Variants in QTMAN observed in about 807,000 individuals in gnomAD.
QTMAN encodes queuosine-tRNA mannosyltransferase.
the QTMAN span, chr2:144,177,088 A>AGGGGGAAATCCACCTCCATGATAAAG: frequency 1.4e-6 from 1 of 696,440 alleles, no homozygotes; most frequent in Non-Finnish European, 2.6e-6. Flanking sequence ...ACAGCACCAA[A>AGGGGGAAATCCACCTCCATGATAAAG]GGGGAAATCC....
At chr2:144,170,825 G>A in the QTMAN span, among the ~76,000 whole-genome samples, 20 of 152,006 alleles carry the variant, frequency 1.3e-4, no homozygotes, top group East Asian at 2.3e-3. Context: ...ACCAAATTAC[G>A]TCCTAGAAAG....
the QTMAN span, among the ~76,000 whole-genome samples, chr2:144,103,329 T>C: frequency 6.6e-6 from 1 of 152,186 alleles, no homozygotes; most frequent in Admixed American, 6.5e-5. Flanking sequence ...AGGATCGCCA[T>C]GTGAAACTGA....
At chr2:143,986,270 T>C in the QTMAN span, among the ~76,000 whole-genome samples, 2 of 152,224 alleles carry the variant, frequency 1.3e-5, no homozygotes, top group African/African-American at 4.8e-5. Flanking sequence ...TCTTACCTCG[T>C]CAGAATTTTT....
At chr2:143,996,044 G>T in the QTMAN span, among the ~76,000 whole-genome samples, 1 of 152,026 alleles carries the variant, frequency 6.6e-6, no homozygotes, top group Admixed American at 6.6e-5. Context: ...CCACTATATT[G>T]TCTGGATTAT....
At chr2:144,289,420 T>C in the QTMAN span, among the ~76,000 whole-genome samples, 6,831 of 152,336 alleles carry the variant, frequency 0.045, 224 homozygotes, top group South Asian at 0.11. Flanking sequence ...ACACTGAGCA[T>C]AGGCTCAAAG....
chr2:144,032,307 C>T, the QTMAN span, among the ~76,000 whole-genome samples: 1 of 152,158 alleles, frequency 6.6e-6, no homozygotes, highest in Non-Finnish European at 1.5e-5. Context: ...TTACCGTTAG[C>T]ATTAATATAG....
the QTMAN span, among the ~76,000 whole-genome samples, chr2:143,967,844 T>A: frequency 3.3e-5 from 5 of 152,082 alleles, no homozygotes; most frequent in African/African-American, 1.2e-4. Flanking sequence ...CCTAGCTGAG[T>A]GGCCTATTTG....
At chr2:144,290,553 T>C in the QTMAN span, among the ~76,000 whole-genome samples, 1 of 152,200 alleles carries the variant, frequency 6.6e-6, no homozygotes, top group South Asian at 2.1e-4. Context: ...TCCATATCAA[T>C]GCATATAAGT....
chr2:144,160,783 G>A, the QTMAN span, among the ~76,000 whole-genome samples: 1 of 152,108 alleles, frequency 6.6e-6, no homozygotes, highest in Non-Finnish European at 1.5e-5. Flanking sequence ...ATGGACAGAG[G>A]AAATAGCTCT....
chr2:144,262,425 C>G, the QTMAN span, among the ~76,000 whole-genome samples: 51 of 151,558 alleles, frequency 3.4e-4, no homozygotes, highest in African/African-American at 1.2e-3. Context: ...AAAAAATAAG[C>G]TGGGGGTGAT....
the QTMAN span, among the ~76,000 whole-genome samples, chr2:144,191,481 C>T: frequency 1.6e-4 from 25 of 152,120 alleles, 1 homozygote; most frequent in African/African-American, 6.0e-4. Flanking sequence ...ATTAGAAAAT[C>T]GCCTATCATT....
the QTMAN span, among the ~76,000 whole-genome samples, chr2:143,947,668 G>C: frequency 6.6e-6 from 1 of 152,138 alleles, no homozygotes; most frequent in Non-Finnish European, 1.5e-5. Flanking sequence ...TATTCTTCCA[G>C]GTTTACAGAT....
the QTMAN span, among the ~76,000 whole-genome samples, chr2:144,119,677 A>G: frequency 1.3e-5 from 2 of 152,208 alleles, no homozygotes; most frequent in Non-Finnish European, 2.9e-5. Flanking sequence ...TGGATTTTCT[A>G]CTGTAAAATA....
chr2:144,320,536 T>C, the QTMAN span, among the ~76,000 whole-genome samples: 1 of 152,192 alleles, frequency 6.6e-6, no homozygotes, highest in Non-Finnish European at 1.5e-5. Context: ...ATATTGACTT[T>C]GGGCAGGAAG....
At chr2:144,124,346 T>A in the QTMAN span, among the ~76,000 whole-genome samples, 1 of 152,190 alleles carries the variant, frequency 6.6e-6, no homozygotes, top group African/African-American at 2.4e-5. Context: ...TACTTAACTT[T>A]ATCTTCTCAT....
the QTMAN span, among the ~76,000 whole-genome samples, chr2:144,056,259 C>T: frequency 6.6e-6 from 1 of 152,172 alleles, no homozygotes; most frequent in Non-Finnish European, 1.5e-5. Context: ...AATGTCAAGA[C>T]TTTTAAATGT....
At chr2:143,953,078 C>T in the QTMAN span, among the ~76,000 whole-genome samples, 1 of 151,764 alleles carries the variant, frequency 6.6e-6, no homozygotes, top group Non-Finnish European at 1.5e-5. Context: ...CTGAATTAAT[C>T]AAAGCGCAGC....
At chr2:144,280,507 G>A in the QTMAN span, among the ~76,000 whole-genome samples, 1 of 151,922 alleles carries the variant, frequency 6.6e-6, no homozygotes, top group Non-Finnish European at 1.5e-5. Flanking sequence ...TGACATCAGG[G>A]CACTTGAAGT....
the QTMAN span, among the ~76,000 whole-genome samples, chr2:144,003,722 A>C: frequency 9.9e-5 from 15 of 152,090 alleles, no homozygotes; most frequent in African/African-American, 3.6e-4. Context: ...CAGACATTTT[A>C]ACACAGATTT....
Sources: gnomAD v4.1 joint callset for allele counts (sites outside exome capture counted in the v4.1 genomes callset) on GRCh38, gnomAD v4.1.1 for gene constraint, MANE v1.5 for transcripts, NCBI Gene and HGNC (gene_info 2026-07-23, HGNC 2026-07-21) for gene names.